Variants in STYX observed in about 807,000 individuals in gnomAD.
STYX encodes the protein serine/threonine/tyrosine interacting protein.
STYX carries 20 observed loss-of-function variants against 42.7 expected under a neutral mutation model. The ratio of observed to expected loss-of-function variants is 0.47; its 90% confidence interval spans 0.33 to 0.68. STYX has a LOEUF of 0.68. Among genes scored for constraint, STYX ranks in the 30% least tolerant of loss-of-function variants. The probability of loss-of-function intolerance (pLI) is 0.02; values close to 1 mark genes in which losing one functional copy is unlikely to be tolerated. For synonymous variants in STYX, 78 were observed against 81.9 expected (o/e 0.95, Z 0.26); for missense variants, 226 against 268.5 (o/e 0.84, Z 1.11).
intron 4 of STYX, among the ~76,000 whole-genome samples, chr14:52,754,191 A>T (rs1881755083): frequency 6.6e-6 from 1 of 151,776 alleles, no homozygotes; most frequent in African/African-American, 2.4e-5. Flanking sequence ...CCCGGCCTGA[A>T]TTTTTTATAA....
chr14:52,756,513 A>T, intron 4 of STYX, 38 bp from the exon 5 acceptor site: 1 of 1,211,814 alleles, frequency 8.3e-7, no homozygotes, highest in Non-Finnish European at 1.2e-6. Flanking sequence ...TAAGTGTTTT[A>T]CTTAAAGTGT....
At chr14:52,750,368 C>G (rs576256418) in intron 3 of STYX, among the ~76,000 whole-genome samples, 1 of 152,164 alleles carries the variant, frequency 6.6e-6, no homozygotes, top group Non-Finnish European at 1.5e-5. Context: ...ATATTAACTA[C>G]CATTTATTAA....
chr14:52,748,292 T>A (rs1881471954), intron 3 of STYX, among the ~76,000 whole-genome samples: 1 of 152,082 alleles, frequency 6.6e-6, no homozygotes, highest in Admixed American at 6.5e-5. Context: ...AGTGGCGCGC[T>A]CTCATAGCTC....
At position 52,750,666 on chromosome 14, in the gene STYX, C is replaced by CT. The variant is rs770456434; in HGVS notation, c.145-7dup. 14,469 of 1,174,914 alleles carry CT rather than the reference C, an allele frequency of 0.012. 4 individuals carry two copies. The highest frequency in any genetic ancestry group is 0.013 in the Non-Finnish European group (11,468 of 856,378). The allele number at this position is 1,174,914 out of a possible 1,614,324, so 72.8% of individuals were successfully genotyped here. On this transcript the variant is annotated splice_polypyrimidine_tract_variant and intron_variant, in intron 3 of 10. Transcript: ENST00000354586. The stretch of plus-strand genomic sequence containing the variant: ...ATTTATCTTCCCTGTCCTCCCCCTG[C>CT]TTTTTTTTTTATACAGCTACCTGTA...
At chr14:52,765,959 A>G (rs1882287971) in intron 9 of STYX, among the ~76,000 whole-genome samples, 1 of 152,118 alleles carries the variant, frequency 6.6e-6, no homozygotes, top group African/African-American at 2.4e-5. Flanking sequence ...ACCCTCATCT[A>G]GATGACCATA....
rs1881829762 is a variant in STYX, at chr14:52,755,603, CA to C, written c.243-943del. ...AACGCTTAGAAATGGAAGTTTTTTA[CA>C]AAAATAAGCTAACATATTTAAAATG... On this transcript the variant is annotated intron_variant, in intron 4 of 10. Coordinates refer to ENST00000354586, the MANE Select transcript of STYX (RefSeq NM_145251.4). 2.0e-5 allele frequency among the ~76,000 whole-genome samples: 3 copies of C among 149,162 alleles called. No individual in the cohort carries two copies. The Admixed American group carries it at 2.0e-4, about 10-fold the overall frequency.
At chr14:52,768,792 C>T in intron 9 of STYX, 48 bp from the exon 10 acceptor site, 1 of 1,377,066 alleles carries the variant, frequency 7.3e-7, no homozygotes, top group South Asian at 1.4e-5. Flanking sequence ...TTTGGGTATC[C>T]AAGAATGTAA....
intron 1 of STYX, 138 bp downstream of exon 1, chr14:52,730,669 C>A: frequency 1.1e-6 from 1 of 917,850 alleles, no homozygotes; most frequent in Non-Finnish European, 1.6e-6. Context: ...CCTCTGAAGC[C>A]GAGCGGTCGG....
Position 52,750,713 on chromosome 14 carries a change from C to CAT in STYX, c.179_180dup (p.Ile61Ter). On this transcript the variant is annotated frameshift_variant, in exon 4 of 11. Coordinates refer to ENST00000354586, the MANE Select transcript of STYX (RefSeq NM_145251.4). LOFTEE classifies it high-confidence loss of function. ...TGTACTACAGAAACATGGAATAACC[C>CAT]ATATAATATGCATACGACAAAATAT... is the stretch of plus-strand genomic sequence containing the variant. 6.3e-7 allele frequency: 1 copy of CAT among 1,589,738 alleles called. No homozygotes were observed. The highest frequency in any genetic ancestry group is 8.5e-7 in the Non-Finnish European group (1 of 1,170,628).
chr14:52,730,224 G>C lies in STYX; in HGVS notation c.-251G>C, dbSNP rs533349390. The C allele has an allele frequency of 1.2e-5, 7 of 567,126 alleles. No individual in the cohort carries two copies. The highest frequency in any genetic ancestry group is 3.1e-5 in the Admixed American group (1 of 31,956). 35.1% of individuals were successfully genotyped at this position (567,126 alleles called of 1,614,324 possible). A position where few individuals can be genotyped will look rare whatever the true frequency, so the allele number is the denominator to read the frequency against. Reference sequence around the variant, plus strand: ...GCGGCCTGAGGGGTACGGAGACTCTGGGGGAGGGAGACGGCAGCGGCATGG... The same window carrying C: ...GCGGCCTGAGGGGTACGGAGACTCTCGGGGAGGGAGACGGCAGCGGCATGG... On this transcript the variant is annotated 5_prime_UTR_variant, in exon 1 of 11. Coordinates refer to ENST00000354586, the MANE Select transcript of STYX (RefSeq NM_145251.4).
In STYX at chr14:52,773,827, A is replaced by C. The variant is rs1292223137; in HGVS notation, c.*2721A>C. On this transcript the variant is annotated 3_prime_UTR_variant, in exon 11 of 11. Transcript: ENST00000354586. Reference sequence around the variant, plus strand: ...CACTGATGTTTTGTGATAGTTAACTATGATAAATTTAACTGATCATGATTT... The same window carrying C: ...CACTGATGTTTTGTGATAGTTAACTCTGATAAATTTAACTGATCATGATTT... 1.3e-5 allele frequency: 2 copies of C among 152,310 alleles called. No homozygotes were observed. Among genetic ancestry groups the C allele is most frequent in the East Asian group, 3.9e-4 (2 of 5,192 alleles). The allele number at this position is 152,310 out of a possible 1,614,324, so 9.4% of individuals were successfully genotyped here.
chr14:52,765,364 C>T (rs1882259344), intron 9 of STYX, among the ~76,000 whole-genome samples: 1 of 152,116 alleles, frequency 6.6e-6, no homozygotes, highest in African/African-American at 2.4e-5. Context: ...ATTACAGGCA[C>T]ATGCCACCAC....
intron 4 of STYX, among the ~76,000 whole-genome samples, chr14:52,755,480 A>G (rs1240263322): frequency 6.6e-6 from 1 of 152,078 alleles, no homozygotes; most frequent in Admixed American, 6.5e-5. Context: ...CTAAATGATC[A>G]TTGAAAAACT....
In STYX at chr14:52,759,698, G is replaced by A. The variant is rs1882017830; in HGVS notation, c.448G>A (p.Val150Ile). The A allele has an allele frequency of 6.2e-7, 1 of 1,608,518 alleles. No individual in the cohort carries two copies. The highest frequency in any genetic ancestry group is 2.2e-5 in the East Asian group (1 of 44,740). The change falls in exon 9 of 11, where the codon GTT becomes ATT. Residue 150 changes from valine to isoleucine, a missense_variant. Val to Ile is a conservative substitution (Grantham distance 29). Transcript: ENST00000354586. Reference protein sequence around the residue: ...GMKYRDAFAYVQERRFCINPN... With the variant: ...GMKYRDAFAYIQERRFCINPN... ...TGTTTTCAGAGATGCTTTTGCTTAT[G>A]TTCAAGAAAGAAGATTTTGTATTAA...
intron 5 of STYX, 114 bp from the exon 6 acceptor site, chr14:52,757,205 T>C: frequency 1.2e-6 from 1 of 847,570 alleles, no homozygotes; most frequent in Admixed American, 3.2e-5. Flanking sequence ...AATTGGTGAA[T>C]CAAAATAATT....
chr14:52,768,819 A>G (rs767287816), intron 9 of STYX, 21 bp from the exon 10 acceptor site: 2 of 1,489,516 alleles, frequency 1.3e-6, no homozygotes, highest in East Asian at 2.3e-5. Context: ...AATTAAGTTA[A>G]TTAACTTATT....
chr14:52,746,856 C>T (rs1881414230), intron 3 of STYX, among the ~76,000 whole-genome samples: 1 of 152,170 alleles, frequency 6.6e-6, no homozygotes, highest in African/African-American at 2.4e-5. Context: ...GTTAAACCTT[C>T]CTTATCAAGG....
rs1205093649 is a variant in STYX, at chr14:52,771,621, T to C, written c.*515T>C. 6.6e-6 allele frequency: 1 copy of C among 152,538 alleles called. No individual in the cohort carries two copies. Among genetic ancestry groups the C allele is most frequent in the Non-Finnish European group, 1.5e-5 (1 of 67,970 alleles). 9.4% of individuals were successfully genotyped at this position (152,538 alleles called of 1,614,324 possible). ...GCCTCTTACAGAAACATTAACAAAA[T>C]GCAGGAATCTGCCACATTTCTTTTT... On this transcript the variant is annotated 3_prime_UTR_variant, in exon 11 of 11. Coordinates refer to ENST00000354586, the MANE Select transcript of STYX (RefSeq NM_145251.4).
At chr14:52,731,499 G>T (rs1382338395) in intron 1 of STYX, 1 of 144,322 alleles carries the variant, frequency 6.9e-6, no homozygotes, top group Non-Finnish European at 1.5e-5. Context: ...GCAATGTGGC[G>T]CGATCTCGGC....
Sources: allele counts gnomAD v4.1 joint callset (sites outside exome capture counted in the v4.1 genomes callset), GRCh38; gene constraint gnomAD v4.1.1; transcripts MANE v1.5; gene names NCBI Gene and HGNC (gene_info 2026-07-23, HGNC 2026-07-21).